Variants in ACOT11 observed in about 807,000 individuals in gnomAD.
The protein encoded by ACOT11 is acyl-coenzyme A thioesterase 11.
A neutral mutation model predicts 77.5 loss-of-function variants in ACOT11; 69 were observed. The ratio of observed to expected loss-of-function variants is 0.89; its 90% confidence interval spans 0.73 to 1.09. The LOEUF is 1.09. Among genes scored for constraint, ACOT11 ranks in the 50% least tolerant of loss-of-function variants. ACOT11 has a pLI of 0.00. For missense variants in ACOT11, 766 were observed against 813.7 expected (o/e 0.94, Z 0.71); for synonymous variants, 279 against 313.0 (o/e 0.89, Z 1.15).
chr1:54,548,638 C>T (rs1043056221), intron 1 of ACOT11: 7 of 507,070 alleles, frequency 1.4e-5, no homozygotes, highest in African/African-American at 9.7e-5. Context: ...ATGTTTCTCC[C>T]TGCAGAGTTC....
At chr1:54,589,784 G>A (rs1654641815) in intron 3 of ACOT11, among the ~76,000 whole-genome samples, 1 of 152,108 alleles carries the variant, frequency 6.6e-6, no homozygotes, top group African/African-American at 2.4e-5. Flanking sequence ...ACCACACCCA[G>A]CCTGCAGTTA....
At chr1:54,551,724 TTTG>T (rs1299901596) in intron 1 of ACOT11, among the ~76,000 whole-genome samples, 2 of 150,132 alleles carry the variant, frequency 1.3e-5, no homozygotes, top group Non-Finnish European at 2.9e-5. Context: ...TGTTTTTGTT[TTTG>T]TTTTGTTTTG....
intron 15 of ACOT11, among the ~76,000 whole-genome samples, chr1:54,625,656 A>G (rs1483593176): frequency 6.6e-6 from 1 of 152,160 alleles, no homozygotes; most frequent in Admixed American, 6.5e-5. Context: ...GAAAATGCTG[A>G]GCCAGGCGCG....
At chr1:54,594,866 T>A (rs1025090227) in intron 6 of ACOT11, among the ~76,000 whole-genome samples, 175 bp downstream of exon 6, 2 of 151,810 alleles carry the variant, frequency 1.3e-5, no homozygotes, top group African/African-American at 4.8e-5. Flanking sequence ...GGAAGGGGAG[T>A]GTTTGGGCCT....
At chr1:54,631,959 G>T (rs1644302054) in intron 16 of ACOT11, among the ~76,000 whole-genome samples, 1 of 152,138 alleles carries the variant, frequency 6.6e-6, no homozygotes, top group African/African-American at 2.4e-5. Context: ...AAGCTACCTT[G>T]TTGGCAATGG....
At chr1:54,617,098 T>A (rs2101021348) in intron 15 of ACOT11, among the ~76,000 whole-genome samples, 1 of 152,318 alleles carries the variant, frequency 6.6e-6, no homozygotes, top group Non-Finnish European at 1.5e-5. Context: ...TCTCACCACA[T>A]CATCACTGAC....
At position 54,580,460 on chromosome 1, in the gene ACOT11, A is replaced by G. The variant is rs114834713; in HGVS notation, c.34-4195A>G. Among the ~76,000 whole-genome samples the G allele has an allele frequency of 1.4e-3, 218 of 152,254 alleles. 3 individuals carry two copies. The East Asian group carries it at 0.019, about 13-fold the overall frequency. ...TCTGTCTCCACCCATCCAGGTATGT[A>G]GAGCATTTTCCCACCTGCTCTCATT... On this transcript the variant is annotated intron_variant, in intron 1 of 15. Transcript: ENST00000343744.
intron 1 of ACOT11, among the ~76,000 whole-genome samples, chr1:54,551,955 T>C (rs1175662039): frequency 6.6e-6 from 1 of 152,076 alleles, no homozygotes; most frequent in Non-Finnish European, 1.5e-5. Context: ...GCAATCCTAC[T>C]GTTTTACCTT....
downstream of ACOT11, among the ~76,000 whole-genome samples, chr1:54,613,027 G>C (rs1419036475): frequency 6.6e-6 from 1 of 151,766 alleles, no homozygotes; most frequent in Admixed American, 6.6e-5. Flanking sequence ...AGCCCCCAGC[G>C]TGTGGGAATC....
At chr1:54,585,190 G>A (rs548198562) in intron 2 of ACOT11, among the ~76,000 whole-genome samples, 9 of 152,148 alleles carry the variant, frequency 5.9e-5, no homozygotes, top group East Asian at 3.9e-4. Context: ...GCCCTGCAGC[G>A]CTCCTTCCCT....
chr1:54,606,776 C>T (rs1222075628), intron 13 of ACOT11, among the ~76,000 whole-genome samples: 4 of 152,216 alleles, frequency 2.6e-5, no homozygotes, highest in African/African-American at 9.7e-5. Context: ...GTGTCTGCAC[C>T]TGCGCAGACA....
At chr1:54,557,307 G>T (rs1653291876) in intron 1 of ACOT11, among the ~76,000 whole-genome samples, 1 of 149,032 alleles carries the variant, frequency 6.7e-6, no homozygotes, top group African/African-American at 2.5e-5. Flanking sequence ...CAGGAGAATT[G>T]CTTGAACCCG....
intron 15 of ACOT11, among the ~76,000 whole-genome samples, chr1:54,625,371 G>A (rs1386458007): frequency 1.3e-5 from 2 of 152,160 alleles, no homozygotes; most frequent in Non-Finnish European, 2.9e-5. Flanking sequence ...GGGGGCTGTA[G>A]ACAAGCAGGA....
chr1:54,608,054 G>T lies in ACOT11; in HGVS notation c.1615G>T (p.Asp539Tyr). The change falls in exon 15 of 16, where the codon GAC (aspartate) becomes TAC (tyrosine). Residue 539 changes from aspartate (D) to tyrosine (Y), a missense_variant. Coordinates refer to ENST00000343744, the MANE Select transcript of ACOT11 (RefSeq NM_147161.4). ...AGGCTTCTGCCTCTGGCGCGAGGGGGACCAGCTGACCAAGGTGAGGCCGGT... is the reference window on the plus strand; with the variant it reads ...AGGCTTCTGCCTCTGGCGCGAGGGGTACCAGCTGACCAAGGTGAGGCCGGT... ...CSGFCLWREG[D>Y]QLTKVSYYNQ... is the part of the protein sequence containing the mutation. 1 of 1,610,482 alleles carries T rather than the reference G, an allele frequency of 6.2e-7. No homozygotes were observed.
intron 6 of ACOT11, among the ~76,000 whole-genome samples, chr1:54,594,966 C>A (rs1451607105): frequency 2.6e-5 from 4 of 152,188 alleles, no homozygotes; most frequent in African/African-American, 9.7e-5. Context: ...TCTCCAGAAG[C>A]CAAGGTGTTT....
chr1:54,637,817 A>G (rs549764549), exon 17 of ACOT11: 1 of 152,230 alleles, frequency 6.6e-6, no homozygotes, highest in East Asian at 1.9e-4. Flanking sequence ...GCAACTCATC[A>G]GAGTTGCACA....
At chr1:54,623,420 C>A in intron 15 of ACOT11, 1 of 1,581,108 alleles carries the variant, frequency 6.3e-7, no homozygotes, top group Non-Finnish European at 8.7e-7. Context: ...GGGAATGCCC[C>A]CAACTCCGTG....
exon 17 of ACOT11, chr1:54,634,806 G>A (rs1644322035): frequency 1.5e-6 from 1 of 681,346 alleles, no homozygotes; most frequent in African/African-American, 1.8e-5. Context: ...GCCACGTAGA[G>A]ACTGACGCTG....
downstream of ACOT11, chr1:54,610,642 T>C: frequency 6.5e-7 from 1 of 1,539,044 alleles, no homozygotes; most frequent in Non-Finnish European, 8.8e-7. Flanking sequence ...GCCACAGCTC[T>C]ACGGGCATCC....
Sources: allele counts gnomAD v4.1 joint callset (sites outside exome capture counted in the v4.1 genomes callset), GRCh38; gene constraint gnomAD v4.1.1; transcripts MANE v1.5; gene names NCBI Gene and HGNC (gene_info 2026-07-23, HGNC 2026-07-21).